Variants in SCHIP1 observed in about 807,000 individuals in gnomAD.
SCHIP1 encodes schwannomin interacting protein 1, also known as schwannomin-interacting protein 1.
Under a neutral mutation model 29.7 loss-of-function variants are expected in SCHIP1, and 8 were observed. The ratio of observed to expected loss-of-function variants is 0.27; its 90% CI spans 0.16 to 0.49. SCHIP1 has a LOEUF of 0.49. Ranked by LOEUF, SCHIP1 falls within the 20% of genes least tolerant of loss-of-function variation. The pLI is 0.99. For synonymous variants in SCHIP1, 76 were observed against 94.9 expected (o/e 0.80, Z 1.16); for missense variants, 193 against 294.6 (o/e 0.66, Z 2.52).
chr3:159,632,964 T>A, the SCHIP1 span, among the ~76,000 whole-genome samples: 1 of 152,164 alleles, frequency 6.6e-6, no homozygotes, highest in Non-Finnish European at 1.5e-5. Context: ...TATCAGAAGG[T>A]TGACTCTAGA....
At chr3:159,625,865 A>G in the SCHIP1 span, among the ~76,000 whole-genome samples, 2 of 152,126 alleles carry the variant, frequency 1.3e-5, no homozygotes, top group African/African-American at 4.8e-5. Context: ...ACGTAGATCA[A>G]CTGTGCTTCT....
At chr3:159,297,321 G>A in the SCHIP1 span, among the ~76,000 whole-genome samples, 1 of 152,114 alleles carries the variant, frequency 6.6e-6, no homozygotes, top group African/African-American at 2.4e-5. Context: ...ACCCAGAAGT[G>A]GGATTGATGG....
chr3:159,346,189 GAAAAAAA>G, the SCHIP1 span, among the ~76,000 whole-genome samples: 4 of 72,778 alleles, frequency 5.5e-5, no homozygotes, highest in South Asian at 1.2e-3. Context: ...CTCTGTCTCA[GAAAAAAA>G]AAAAGAAAAA....
the SCHIP1 span, among the ~76,000 whole-genome samples, chr3:159,732,287 A>C: frequency 6.6e-6 from 1 of 152,234 alleles, no homozygotes; most frequent in African/African-American, 2.4e-5. Flanking sequence ...AAAGCAGTCA[A>C]GTGAAATTGT....
At chr3:159,449,531 G>T in the SCHIP1 span, among the ~76,000 whole-genome samples, 2 of 152,080 alleles carry the variant, frequency 1.3e-5, no homozygotes, top group African/African-American at 4.8e-5. Context: ...ATTCTTTTCA[G>T]TCATACATCA....
chr3:159,681,301 A>AG, the SCHIP1 span, among the ~76,000 whole-genome samples: 5 of 152,240 alleles, frequency 3.3e-5, no homozygotes, highest in South Asian at 1.0e-3. Flanking sequence ...AAAAAAAAAA[A>AG]AAGACTAATG....
At chr3:159,282,129 A>G in the SCHIP1 span, among the ~76,000 whole-genome samples, 49,931 of 151,928 alleles carry the variant, frequency 0.33, 9,094 homozygotes, top group Non-Finnish European at 0.42. Flanking sequence ...GAGTGTTCAT[A>G]TATTTTCATA....
the SCHIP1 span, among the ~76,000 whole-genome samples, chr3:159,811,346 T>C: frequency 0.16 from 24,174 of 152,218 alleles, 2,021 homozygotes; most frequent in African/African-American, 0.22. Flanking sequence ...GCTGTTGCTG[T>C]TGTGTTTAAG....
the SCHIP1 span, among the ~76,000 whole-genome samples, chr3:159,748,929 A>G: frequency 2.6e-5 from 4 of 152,210 alleles, no homozygotes; most frequent in Non-Finnish European, 4.4e-5. Flanking sequence ...AATAGTTACC[A>G]ATGAAAATGA....
chr3:159,632,294 G>A, the SCHIP1 span, among the ~76,000 whole-genome samples: 12 of 152,152 alleles, frequency 7.9e-5, no homozygotes, highest in South Asian at 4.1e-4. Context: ...GTCTACAGGC[G>A]CCAACTTCAA....
At chr3:159,432,337 TGTGAGAGA>T in the SCHIP1 span, among the ~76,000 whole-genome samples, 29 of 70,606 alleles carry the variant, frequency 4.1e-4, no homozygotes, top group Admixed American at 6.1e-4. Flanking sequence ...TGTGTGTGTG[TGTGAGAGA>T]GAGAGAGAGA....
At chr3:159,659,154 A>G in the SCHIP1 span, among the ~76,000 whole-genome samples, 1 of 152,222 alleles carries the variant, frequency 6.6e-6, no homozygotes, top group Non-Finnish European at 1.5e-5. Flanking sequence ...AATTTTGTTG[A>G]TCAGACTCAC....
chr3:159,770,265 C>T, the SCHIP1 span, among the ~76,000 whole-genome samples: 1 of 151,974 alleles, frequency 6.6e-6, no homozygotes, highest in Non-Finnish European at 1.5e-5. Context: ...TACACTTTAT[C>T]TATTTATTTT....
the SCHIP1 span, among the ~76,000 whole-genome samples, chr3:159,465,253 A>G: frequency 5.3e-5 from 8 of 151,898 alleles, no homozygotes; most frequent in African/African-American, 1.9e-4. Context: ...CAATAGGGAA[A>G]ATAATACTTT....
chr3:159,508,317 C>T, the SCHIP1 span, among the ~76,000 whole-genome samples: 1 of 152,122 alleles, frequency 6.6e-6, no homozygotes, highest in Non-Finnish European at 1.5e-5. Flanking sequence ...GTGATATCCC[C>T]TTTGTCATTT....
chr3:159,753,683 C>G, the SCHIP1 span, among the ~76,000 whole-genome samples: 1 of 152,196 alleles, frequency 6.6e-6, no homozygotes, highest in Non-Finnish European at 1.5e-5. Flanking sequence ...CTCCACCATG[C>G]AGAAAGTTTC....
the SCHIP1 span, among the ~76,000 whole-genome samples, chr3:159,687,445 A>G: frequency 6.6e-6 from 1 of 152,160 alleles, no homozygotes; most frequent in South Asian, 2.1e-4. Flanking sequence ...TATAAACTCT[A>G]TGCTCTGAGA....
chr3:159,742,603 A>G, the SCHIP1 span, among the ~76,000 whole-genome samples: 271 of 152,228 alleles, frequency 1.8e-3, no homozygotes, highest in Non-Finnish European at 3.1e-3. Flanking sequence ...AGACCACGGT[A>G]TAAGTATGGG....
At chr3:159,724,158 A>C in the SCHIP1 span, among the ~76,000 whole-genome samples, 1 of 152,142 alleles carries the variant, frequency 6.6e-6, no homozygotes, top group Non-Finnish European at 1.5e-5. Flanking sequence ...ATAGGGATTG[A>C]CCATTTGTAT....
Sources: allele counts gnomAD v4.1 joint callset (sites outside exome capture counted in the v4.1 genomes callset), GRCh38; gene constraint gnomAD v4.1.1; transcripts MANE v1.5; gene names NCBI Gene and HGNC (gene_info 2026-07-23, HGNC 2026-07-21).